Variants in TMEM232 observed in about 807,000 individuals in gnomAD.
TMEM232 encodes the protein transmembrane protein 232.
TMEM232 carries 80 observed loss-of-function variants against 78.8 expected under a neutral mutation model. That is an observed-to-expected ratio of 1.01 (90% confidence interval 0.85 to 1.22). The LOEUF (loss-of-function observed/expected upper bound fraction) is 1.22. Among genes scored for constraint, TMEM232 ranks in the 50% most tolerant of loss-of-function variants. The probability of loss-of-function intolerance (pLI) is 0.00; values close to 1 mark genes in which losing one functional copy is unlikely to be tolerated. For missense variants in TMEM232, 881 were observed against 742.2 expected (o/e 1.19, Z -2.17); for synonymous variants, 297 against 254.3 (o/e 1.17, Z -1.60).
chr5:110,471,930 G>C (rs141211905), intron 12 of TMEM232, among the ~76,000 whole-genome samples: 149 of 152,036 alleles, frequency 9.8e-4, no homozygotes, highest in African/African-American at 3.5e-3. Flanking sequence ...CACAGAAATG[G>C]AAAGGATCAT....
rs1793495979 is a variant in TMEM232 at position 110,686,976 on chromosome 5, T to C, written c.-12-19612A>G. 2.6e-5 allele frequency among the ~76,000 whole-genome samples: 4 copies of C among 152,254 alleles called. No homozygotes were observed. In the South Asian group the frequency reaches 6.2e-4, roughly 24 times the overall value. On this transcript the variant is annotated intron_variant, in intron 1 of 13. Coordinates refer to ENST00000455884, the MANE Select transcript of TMEM232 (RefSeq NM_001039763.4). ...AGCTACTATTGGTCATTATGTATTA[T>C]TGATCCTCATCTTCAAAGGAGCACT... is the stretch of plus-strand genomic sequence containing the variant.
chr5:110,568,429 C>T lies in TMEM232; in HGVS notation c.1455+18G>A, dbSNP rs922041147. The T allele has an allele frequency of 6.6e-7, 1 of 1,513,084 alleles. No individual in the cohort carries two copies. Among genetic ancestry groups the T allele is most frequent in the African/African-American group, 1.4e-5 (1 of 70,402 alleles). The allele number at this position is 1,513,084 out of a possible 1,614,324, so 93.7% of individuals were successfully genotyped here. ...TAATGATAGATGTACATATTTATTGCCCAGTGTTTTACCTTACCTGAGCTA... is the reference window on the plus strand; with the variant it reads ...TAATGATAGATGTACATATTTATTGTCCAGTGTTTTACCTTACCTGAGCTA... On this transcript the variant is annotated intron_variant, in intron 11 of 13. Transcript: ENST00000455884.
At chr5:110,646,421 T>C in intron 2 of TMEM232, among the ~76,000 whole-genome samples, 1 of 151,680 alleles carries the variant, frequency 6.6e-6, no homozygotes, top group Admixed American at 6.6e-5. Flanking sequence ...AATAAATCCA[T>C]ATATCTACAG....
At chr5:110,577,403 A>C (rs533674820) in intron 10 of TMEM232, among the ~76,000 whole-genome samples, 118 of 152,152 alleles carry the variant, frequency 7.8e-4, no homozygotes, top group Non-Finnish European at 1.3e-3. Flanking sequence ...GGAGGAAAAG[A>C]AATGCTTATA....
chr5:110,586,328 A>G (rs1311152473), intron 10 of TMEM232, among the ~76,000 whole-genome samples: 2 of 151,894 alleles, frequency 1.3e-5, no homozygotes, highest in African/African-American at 4.8e-5. Context: ...TGTTTTGTTT[A>G]TGAAACCCTT....
chr5:110,482,377 T>C lies in TMEM232; in HGVS notation c.1703+46211A>G, dbSNP rs1197908251. On this transcript the variant is annotated intron_variant, in intron 12 of 13. Coordinates refer to ENST00000455884, the MANE Select transcript of TMEM232 (RefSeq NM_001039763.4). ...AGGCAGATAACCTGAGGTCAGGAGT[T>C]TGAGATGAGCCTGGCCAACATGGCA... Among the ~76,000 whole-genome samples the C allele has an allele frequency of 3.3e-5, 5 of 152,180 alleles. No homozygotes were observed. The East Asian group carries it at 7.7e-4, about 23-fold the overall frequency.
intron 11 of TMEM232, among the ~76,000 whole-genome samples, chr5:110,533,123 C>T (rs1205545131): frequency 1.3e-5 from 2 of 152,268 alleles, no homozygotes; most frequent in East Asian, 1.9e-4. Context: ...CTGCACCCCT[C>T]GTCCCAGCCT....
chr5:110,435,475 TAAC>T (rs1416698806), intron 12 of TMEM232, among the ~76,000 whole-genome samples: 6 of 150,992 alleles, frequency 4.0e-5, no homozygotes, highest in African/African-American at 1.5e-4. Context: ...TGGATTGTGT[TAAC>T]AATTCAAATA....
At chr5:110,412,556 A>T (rs1452677144) in intron 2 of TMEM232, among the ~76,000 whole-genome samples, 2 of 140,418 alleles carry the variant, frequency 1.4e-5, no homozygotes, top group East Asian at 4.2e-4. Context: ...TTGCAAAGAA[A>T]TAGCCAAACT....
chr5:110,469,802 T>G (rs313603), intron 12 of TMEM232, among the ~76,000 whole-genome samples: 5 of 152,158 alleles, frequency 3.3e-5, no homozygotes, highest in Admixed American at 3.3e-4. Flanking sequence ...ATTGCACTGA[T>G]AGAGCATTCT....
upstream of TMEM232, among the ~76,000 whole-genome samples, chr5:110,728,908 A>C (rs558129409): frequency 4.0e-5 from 6 of 148,462 alleles, no homozygotes; most frequent in Non-Finnish European, 7.4e-5. Context: ...TTTTGAGATG[A>C]AGTCTCGCTT....
chr5:110,450,436 A>C (rs1001413544), intron 12 of TMEM232, among the ~76,000 whole-genome samples: 7 of 151,934 alleles, frequency 4.6e-5, no homozygotes, highest in African/African-American at 1.7e-4. Flanking sequence ...TTTGAAATAT[A>C]ACCTCCTAAA....
chr5:110,493,953 C>T (rs1354119120), intron 12 of TMEM232, among the ~76,000 whole-genome samples: 3 of 151,984 alleles, frequency 2.0e-5, no homozygotes, highest in African/African-American at 7.2e-5. Flanking sequence ...ACAACAGGCC[C>T]CAGTGTGTGA....
At chr5:110,447,409 G>A (rs1362199412) in intron 12 of TMEM232, among the ~76,000 whole-genome samples, 1 of 151,938 alleles carries the variant, frequency 6.6e-6, no homozygotes, top group South Asian at 2.1e-4. Flanking sequence ...TAGGGGCTTC[G>A]ACTAGTACAC....
chr5:110,722,504 T>C (rs1023511936), intron 1 of TMEM232, among the ~76,000 whole-genome samples: 1 of 152,170 alleles, frequency 6.6e-6, no homozygotes, highest in Non-Finnish European at 1.5e-5. Flanking sequence ...AAACACTGGC[T>C]GTTGTAGCAG....
In TMEM232 at chr5:110,625,285, C is replaced by T. The variant is rs61730925; in HGVS notation, c.750G>A (p.Glu250=). 1.9e-3 allele frequency: 2,916 copies of T among 1,540,040 alleles called. 55 individuals are homozygous for T. In the African/African-American group the frequency reaches 0.034, roughly 18 times the overall value. Residue 250 remains glutamate (E), a synonymous_variant, in exon 7 of 14, where the codon GAG becomes GAA. Transcript: ENST00000455884. ...TACTCACCATATCAGAATCTGTGTT[C>T]TCATATCTTTTCTTATCTTCCACAG... ...FRPVEDKKRY[E]NTDSDMGGYE...
chr5:110,675,229 G>C (rs1440785275), intron 1 of TMEM232, among the ~76,000 whole-genome samples: 1 of 151,856 alleles, frequency 6.6e-6, no homozygotes, highest in African/African-American at 2.4e-5. Context: ...ATTTTTAGTA[G>C]AGACGGGGTT....
intron 11 of TMEM232, among the ~76,000 whole-genome samples, chr5:110,562,275 A>C (rs186576506): frequency 2.0e-5 from 3 of 152,224 alleles, no homozygotes; most frequent in African/African-American, 7.2e-5. Flanking sequence ...CAAACCTTCC[A>C]GATTTAATGC....
intron 12 of TMEM232, among the ~76,000 whole-genome samples, chr5:110,487,213 G>C (rs1342863164): frequency 6.6e-6 from 1 of 152,084 alleles, no homozygotes; most frequent in Non-Finnish European, 1.5e-5. Flanking sequence ...CTTTCTGGAG[G>C]AGTCTTTAGG....
Sources: allele counts gnomAD v4.1 joint callset (sites outside exome capture counted in the v4.1 genomes callset), GRCh38; gene constraint gnomAD v4.1.1; transcripts MANE v1.5; gene names NCBI Gene and HGNC (gene_info 2026-07-23, HGNC 2026-07-21).